CALN1: variants seen among roughly 807,000 people sequenced by gnomAD.
CALN1 encodes the protein calneuron 1, also known as calcium-binding protein 8.
A neutral mutation model predicts 30.6 loss-of-function variants in CALN1; 17 were observed. That is an observed-to-expected ratio of 0.56 (90% CI 0.38 to 0.83). CALN1 has a LOEUF of 0.83. CALN1 is among the 40% of genes least tolerant of loss of function. The pLI, the probability that CALN1 is intolerant of heterozygous loss-of-function variation, is 0.00. For missense variants in CALN1, 291 were observed against 354.9 expected (o/e 0.82, Z 1.45); for synonymous variants, 156 against 131.4 (o/e 1.19, Z -1.28).
intron 4 of CALN1, among the ~76,000 whole-genome samples, chr7:72,062,097 T>C (rs1338030784): frequency 6.6e-6 from 1 of 152,140 alleles, no homozygotes; most frequent in Non-Finnish European, 1.5e-5. Context: ...CTACATCCAG[T>C]GGAAACATCC....
At chr7:72,294,877 A>C (rs1798746727) in intron 2 of CALN1, among the ~76,000 whole-genome samples, 1 of 152,186 alleles carries the variant, frequency 6.6e-6, no homozygotes, top group Non-Finnish European at 1.5e-5. Context: ...GATATGAAGA[A>C]AAGTGGGTAT....
At chr7:72,235,486 C>T (rs568148427) in intron 3 of CALN1, among the ~76,000 whole-genome samples, 1 of 152,158 alleles carries the variant, frequency 6.6e-6, no homozygotes, top group African/African-American at 2.4e-5. Context: ...AATCATTTAA[C>T]GCTAGCACAG....
At chr7:71,792,967 G>C (rs568700350) in intron 6 of CALN1, among the ~76,000 whole-genome samples, 1 of 151,960 alleles carries the variant, frequency 6.6e-6, no homozygotes, top group African/African-American at 2.4e-5. Flanking sequence ...GAGAGATAAG[G>C]ACTGAGCAAT....
intron 2 of CALN1, among the ~76,000 whole-genome samples, chr7:72,318,592 G>A (rs1269170799): frequency 6.6e-6 from 1 of 152,000 alleles, no homozygotes; most frequent in Admixed American, 6.6e-5. Flanking sequence ...CCAGGCTGGA[G>A]TGCAGTGGTG....
chr7:71,929,152 C>T (rs1357826159), intron 5 of CALN1, among the ~76,000 whole-genome samples: 1 of 152,136 alleles, frequency 6.6e-6, no homozygotes, highest in Admixed American at 6.5e-5. Context: ...TTCAAGGGTA[C>T]ATGTGCAGGA....
chr7:72,024,147 C>T (rs896485607), intron 4 of CALN1, among the ~76,000 whole-genome samples: 28 of 152,274 alleles, frequency 1.8e-4, no homozygotes, highest in Admixed American at 7.8e-4. Flanking sequence ...CCCACATATA[C>T]ATGTAGTCAT....
intron 2 of CALN1, among the ~76,000 whole-genome samples, chr7:72,345,513 G>C (rs1473719981): frequency 7.1e-6 from 1 of 141,290 alleles, no homozygotes; most frequent in Non-Finnish European, 1.5e-5. Context: ...GGAAGGGAGG[G>C]AGGAAGGAAA....
chr7:72,036,964 TATTTG>T (rs1194997674), intron 4 of CALN1, among the ~76,000 whole-genome samples: 1 of 152,164 alleles, frequency 6.6e-6, no homozygotes, highest in Admixed American at 6.6e-5. Flanking sequence ...TGTCATTTTT[TATTTG>T]TTTTCATTTA....
Position 71,821,262 on chromosome 7 carries a change from C to T in CALN1, c.502-10770G>A, listed in dbSNP as rs573278309. On this transcript the variant is annotated intron_variant, in intron 5 of 6. Coordinates refer to ENST00000395275, the MANE Select transcript of CALN1 (RefSeq NM_031468.4). ...TCAAGATGAACAAGTGGGTGGCCCTCGTTACTGAATGCACAGAGTGTGACT... is the reference window on the plus strand; with the variant it reads ...TCAAGATGAACAAGTGGGTGGCCCTTGTTACTGAATGCACAGAGTGTGACT... Among the ~76,000 whole-genome samples, 9 of 152,248 alleles carry T rather than the reference C, an allele frequency of 5.9e-5. No individual in the cohort carries two copies. In the South Asian group the frequency reaches 1.5e-3, roughly 25 times the overall value.
intron 3 of CALN1, among the ~76,000 whole-genome samples, chr7:72,178,967 A>AC (rs1340092702): frequency 6.6e-6 from 1 of 152,184 alleles, no homozygotes; most frequent in Non-Finnish European, 1.5e-5. Flanking sequence ...TAAAAGGCTA[A>AC]CCCCCAATAA....
rs185206455 is a variant in CALN1, at chr7:72,276,287, A to C, written c.244+2399T>G. ...CCCACATTAATGTACCACCTGCCCT[A>C]ATGTCTATTCACAGTGAAGACTCCC... On this transcript the variant is annotated intron_variant, in intron 3 of 6. Coordinates refer to ENST00000395275, the MANE Select transcript of CALN1 (RefSeq NM_031468.4). 2.7e-4 allele frequency among the ~76,000 whole-genome samples: 41 copies of C among 152,204 alleles called. No homozygotes were observed. In the East Asian group the frequency reaches 7.9e-3, roughly 29 times the overall value.
At chr7:72,181,855 C>T (rs946924227) in intron 3 of CALN1, among the ~76,000 whole-genome samples, 2 of 152,190 alleles carry the variant, frequency 1.3e-5, no homozygotes, top group Non-Finnish European at 1.5e-5. Flanking sequence ...CACAAGTATT[C>T]AGCCTATCCA....
At chr7:71,912,240 G>T (rs183452836) in intron 5 of CALN1, among the ~76,000 whole-genome samples, 9 of 152,142 alleles carry the variant, frequency 5.9e-5, no homozygotes, top group Admixed American at 2.0e-4. Context: ...ATCCTGACAA[G>T]CTATGTCTTA....
At chr7:72,247,217 C>T (rs909321976) in intron 3 of CALN1, among the ~76,000 whole-genome samples, 1 of 116,806 alleles carries the variant, frequency 8.6e-6, no homozygotes, top group Non-Finnish European at 1.7e-5. Context: ...TTCAACAGAC[C>T]ATTTTCTTTC....
chr7:71,803,450 T>C (rs1441020660), intron 6 of CALN1, among the ~76,000 whole-genome samples: 6 of 152,182 alleles, frequency 3.9e-5, no homozygotes, highest in African/African-American at 1.4e-4. Flanking sequence ...TGATACAGGG[T>C]TTCCTGGAGC....
At chr7:72,056,500 T>G (rs1468171834) in intron 4 of CALN1, among the ~76,000 whole-genome samples, 1 of 152,136 alleles carries the variant, frequency 6.6e-6, no homozygotes, top group African/African-American at 2.4e-5. Context: ...GAAAAATCGA[T>G]TTTATTCCTC....
intron 5 of CALN1, among the ~76,000 whole-genome samples, chr7:71,947,274 C>T (rs1266480944): frequency 2.0e-5 from 3 of 152,154 alleles, no homozygotes; most frequent in Non-Finnish European, 4.4e-5. Context: ...GCCTCCCGAA[C>T]TGCCGAGATT....
chr7:72,396,484 G>A (rs368110075), intron 2 of CALN1, among the ~76,000 whole-genome samples: 1 of 151,876 alleles, frequency 6.6e-6, no homozygotes, highest in East Asian at 1.9e-4. Context: ...ATTTTTCTTG[G>A]GGGAAGAAAG....
chr7:71,987,518 A>G (rs1211760955), intron 5 of CALN1, among the ~76,000 whole-genome samples: 7 of 152,248 alleles, frequency 4.6e-5, no homozygotes, highest in Non-Finnish European at 1.0e-4. Context: ...GGGAAGAGCC[A>G]CTGGGCAAGT....
Sources: allele counts gnomAD v4.1 joint callset (sites outside exome capture counted in the v4.1 genomes callset), GRCh38; gene constraint gnomAD v4.1.1; transcripts MANE v1.5; gene names NCBI Gene and HGNC (gene_info 2026-07-23, HGNC 2026-07-21).